The following CRAT variants were observed in gnomAD, a reference collection of about 807,000 sequenced individuals.
The protein encoded by CRAT is carnitine acetylase.
In CRAT, 66 loss-of-function variants were observed where a neutral mutation model predicts 73.7. The observed-to-expected ratio is 0.90, with a 90% CI of 0.73 to 1.10. The LOEUF is 1.10. CRAT is among the 50% of genes least tolerant of loss of function. The pLI is 0.00. For missense variants in CRAT, 745 were observed against 846.9 expected (o/e 0.88, Z 1.49); for synonymous variants, 321 against 343.2 (o/e 0.94, Z 0.71).
intron 1 of CRAT, chr9:129,108,834 G>C: frequency 7.7e-7 from 1 of 1,304,190 alleles, no homozygotes; most frequent in Middle Eastern, 2.1e-4. Context: ...TGCCTTGGCT[G>C]GATCTCTAAG....
Position 129,095,273 on chromosome 9 carries a change from G to T in CRAT, c.*124C>A. ...CCTGGAGGATGCGGTCCGTGGCTCAGTAGATTTGGGGGGACCAGGGAAGAG... is the reference window on the plus strand; with the variant it reads ...CCTGGAGGATGCGGTCCGTGGCTCATTAGATTTGGGGGGACCAGGGAAGAG... On this transcript the variant is annotated 3_prime_UTR_variant, in exon 14 of 14. Transcript: ENST00000318080. The T allele has an allele frequency of 9.2e-7, 1 of 1,082,520 alleles. No individual in the cohort carries two copies. Among genetic ancestry groups the T allele is most frequent in the Non-Finnish European group, 1.3e-6 (1 of 751,304 alleles). The allele number at this position is 1,082,520 out of a possible 1,614,324, so 67.1% of individuals were successfully genotyped here.
In CRAT at chr9:129,110,351, G is replaced by A. The variant is rs1206489302; in HGVS notation, c.27+132C>T. On this transcript the variant is annotated intron_variant, in intron 1 of 13. Coordinates refer to ENST00000318080, the MANE Select transcript of CRAT (RefSeq NM_000755.5). The surrounding 1 kb of genome is among the most constrained non-coding windows in gnomAD (Gnocchi z 5.3). ...CTGCTCTGCCAAACCTGGGACGCCC[G>A]CCTGACCCCACCCCATCAGCTGGAG... is the stretch of plus-strand genomic sequence containing the variant. 2 of 957,198 alleles carry A rather than the reference G, an allele frequency of 2.1e-6. No individual in the cohort carries two copies. The highest frequency in any genetic ancestry group is 2.9e-6 in the Non-Finnish European group (2 of 685,196). 59.3% of individuals were successfully genotyped at this position (957,198 alleles called of 1,614,324 possible).
At chr9:129,098,502 G>T in intron 9 of CRAT, 29 bp downstream of exon 9, 1 of 1,600,532 alleles carries the variant, frequency 6.2e-7, no homozygotes. Context: ...CACCCATCCA[G>T]CACAGGGATG....
chr9:129,106,765 C>G lies in CRAT; in HGVS notation c.291+1049G>C, dbSNP rs1294088847. On this transcript the variant is annotated intron_variant, in intron 2 of 13. Coordinates refer to ENST00000318080, the MANE Select transcript of CRAT (RefSeq NM_000755.5). This position sits in a 1 kb window ranked among gnomAD's most constrained non-coding sequence, Gnocchi z 4.0. The stretch of plus-strand genomic sequence containing the variant: ...TCTACCTCCCCTCCCCATGGCACCC[C>G]CTATAACACAGCATTTCCCAGGGCC... Among the ~76,000 whole-genome samples, 1 of 152,140 alleles carries G rather than the reference C, an allele frequency of 6.6e-6. No individual in the cohort carries two copies. Among genetic ancestry groups the G allele is most frequent in the Non-Finnish European group, 1.5e-5 (1 of 68,008 alleles).
chr9:129,095,858 G>A (rs1352273025), intron 13 of CRAT, 140 bp downstream of exon 13: 5 of 1,253,092 alleles, frequency 4.0e-6, no homozygotes, highest in African/African-American at 3.0e-5. Context: ...TGCCTGGGCT[G>A]CAGAGAGGCC....
chr9:129,097,849 C>G, intron 11 of CRAT, 164 bp downstream of exon 11: 1 of 1,000,340 alleles, frequency 1.0e-6, no homozygotes, highest in Non-Finnish European at 1.5e-6. Flanking sequence ...CTCTTTGGTC[C>G]CCAGGAAGCT....
At position 129,110,682 on chromosome 9, in the gene CRAT, G is replaced by A. The variant is rs370539416; in HGVS notation, c.-173C>T. 4.7e-6 allele frequency: 4 copies of A among 852,226 alleles called. No homozygotes were observed. The South Asian group carries it at 6.4e-5, about 14-fold the overall frequency. The allele number at this position is 852,226 out of a possible 1,614,324, so 52.8% of individuals were successfully genotyped here. On this transcript the variant is annotated 5_prime_UTR_variant, in exon 1 of 14. Transcript: ENST00000318080. The surrounding 1 kb of genome is among the most constrained non-coding windows in gnomAD (Gnocchi z 5.3). ...CAGCCCCGCGCCCACCCTCTGGGCC[G>A]AGCGGGCTGCGGGAAGGCACCCGGG...
At position 129,102,026 on chromosome 9, in the gene CRAT, C is replaced by T. The variant is rs770546253; in HGVS notation, c.662G>A (p.Gly221Glu). 5 of 1,614,124 alleles carry T rather than the reference C, an allele frequency of 3.1e-6. No individual in the cohort carries two copies. The highest frequency in any genetic ancestry group is 4.2e-6 in the Non-Finnish European group (5 of 1,179,986). ...FFELDVYHSDGTPLTADQIFV... is the reference protein window; with the variant it reads ...FFELDVYHSDETPLTADQIFV... ...GATCTGATCCGCAGTGAGGGGTGTC[C>T]CGTCACTGTGGTACACATCCAGCTC... The change falls in exon 6 of 14, where the codon GGG becomes GAG. Residue 221 changes from glycine (G) to glutamate (E), a missense_variant. By Grantham distance (98) the Gly-to-Glu change is moderately conservative (BLOSUM62 -2). Transcript: ENST00000318080.
chr9:129,097,345 A>T, intron 11 of CRAT, 33 bp from the exon 12 acceptor site: 3 of 1,533,588 alleles, frequency 2.0e-6, no homozygotes, highest in Non-Finnish European at 8.8e-7. Context: ...GAGCTGAAGC[A>T]CTGTCCCTTC....
chr9:129,103,433 C>T lies in CRAT; in HGVS notation c.411-367G>A, dbSNP rs1337161162. Among the ~76,000 whole-genome samples the T allele has an allele frequency of 6.6e-6, 1 of 150,974 alleles. No homozygotes were observed. Among genetic ancestry groups the T allele is most frequent in the African/African-American group, 2.4e-5 (1 of 40,992 alleles). On this transcript the variant is annotated intron_variant, in intron 3 of 13. Coordinates refer to ENST00000318080, the MANE Select transcript of CRAT (RefSeq NM_000755.5). This position sits in a 1 kb window ranked among gnomAD's most constrained non-coding sequence, Gnocchi z 4.6. ...GCCTAGAATCTGGAGGGGGTGTCAT[C>T]TGCTCTGAAGCATCGGTTCTGGAGG... is the stretch of plus-strand genomic sequence containing the variant.
At position 129,094,989 on chromosome 9, in the gene CRAT, G is replaced by T. The variant is rs1588437258; in HGVS notation, c.*408C>A. ...ACAATCCTGTCTCCAGGTCCTGGGA[G>T]TTTGGGAAGCAGGGTACAGATGGTG... is the stretch of plus-strand genomic sequence containing the variant. On this transcript the variant is annotated 3_prime_UTR_variant, in exon 14 of 14. Transcript: ENST00000318080. 2 of 217,434 alleles carry T rather than the reference G, an allele frequency of 9.2e-6. No individual in the cohort carries two copies. Among genetic ancestry groups the T allele is most frequent in the Non-Finnish European group, 1.8e-5 (2 of 108,384 alleles). The allele number at this position is 217,434 out of a possible 1,614,324, so 13.5% of individuals were successfully genotyped here.
rs1847733860 is a variant in CRAT at position 129,102,401 on chromosome 9, T to G, written c.629A>C (p.Gln210Pro). Residue 210 changes from glutamine (Q) to proline (P), a missense_variant and splice_region_variant, in exon 5 of 14, where the codon CAG becomes CCG. Gln to Pro is a moderately conservative substitution (Grantham distance 76). Coordinates refer to ENST00000318080, the MANE Select transcript of CRAT (RefSeq NM_000755.5). ...PTHITVVHNY[Q>P]FFELDVYHSD... is the part of the protein sequence containing the mutation. ...TAGGTGTGGGTGGGGGCCACCCACC[T>G]GGTAGTTGTGTACCACGGTGATGTG... The G allele has an allele frequency of 1.9e-6, 3 of 1,614,084 alleles. No individual in the cohort carries two copies. The highest frequency in any genetic ancestry group is 2.5e-6 in the Non-Finnish European group (3 of 1,179,980).
Position 129,108,838 on chromosome 9 carries a change from C to T in CRAT, c.28-761G>A, listed in dbSNP as rs1468748421. On this transcript the variant is annotated intron_variant, in intron 1 of 13. Transcript: ENST00000318080. ...CCCTGTCTGTCTGCCTTGGCTGGAT[C>T]TCTAAGCCTAACTGTGCTACAAAGT... 4.6e-6 allele frequency: 6 copies of T among 1,304,086 alleles called. No individual in the cohort carries two copies. In the Admixed American group the frequency reaches 1.1e-4, roughly 25 times the overall value. The allele number at this position is 1,304,086 out of a possible 1,614,324, so 80.8% of individuals were successfully genotyped here.
rs1420193355 is a variant in CRAT, at chr9:129,099,449, CAG to C, written c.1085+415_1085+416del. On this transcript the variant is annotated intron_variant, in intron 8 of 13. Coordinates refer to ENST00000318080, the MANE Select transcript of CRAT (RefSeq NM_000755.5). ...TAATTTTTTTTTTTTTTTTTTGAGA[CAG>C]AGTCTTGCTCTGTCACCCAGGCTGG... Among the ~76,000 whole-genome samples the C allele has an allele frequency of 1.0e-4, 14 of 135,592 alleles. 1 individual carries two copies. 89.0% of individuals were successfully genotyped at this position (135,592 alleles called of 152,430 possible).
rs1356391816 is a variant in CRAT at position 129,107,514 on chromosome 9, A to G, written c.291+300T>C. On this transcript the variant is annotated intron_variant, in intron 2 of 13. Transcript: ENST00000318080. The surrounding 1 kb of genome is among the most constrained non-coding windows in gnomAD (Gnocchi z 5.0). ...AGGCTGTCCCACCAAGCACAAGGGCATCTTCTATCTGGTTGTACCTGCCGT... is the reference window on the plus strand; with the variant it reads ...AGGCTGTCCCACCAAGCACAAGGGCGTCTTCTATCTGGTTGTACCTGCCGT... 1 of 634,058 alleles carries G rather than the reference A, an allele frequency of 1.6e-6. No homozygotes were observed. Among genetic ancestry groups the G allele is most frequent in the Non-Finnish European group, 2.9e-6 (1 of 346,454 alleles). 39.3% of individuals were successfully genotyped at this position (634,058 alleles called of 1,614,324 possible).
rs1588461435 is a variant in CRAT, at chr9:129,106,987, T to G, written c.291+827A>C. On this transcript the variant is annotated intron_variant, in intron 2 of 13. Transcript: ENST00000318080. The surrounding 1 kb of genome is among the most constrained non-coding windows in gnomAD (Gnocchi z 4.0). ...AGCTCCTTGGGGGTGATGTCACCCC[T>G]CCCCCTCGCCTCTGGCTTCCACTCT... Among the ~76,000 whole-genome samples, 1 of 150,628 alleles carries G rather than the reference T, an allele frequency of 6.6e-6. No homozygotes were observed. The highest frequency in any genetic ancestry group is 1.5e-5 in the Non-Finnish European group (1 of 67,750).
At chr9:129,095,739 A>G (rs931813536) in intron 13 of CRAT, 127 bp from the exon 14 acceptor site, 20 of 1,021,086 alleles carry the variant, frequency 2.0e-5, no homozygotes, top group African/African-American at 3.2e-5. Flanking sequence ...GTCCCCTGCT[A>G]TATCCCAGCA....
In CRAT at chr9:129,096,176, C is replaced by T. The variant is rs746265890; in HGVS notation, c.1528-41G>A. On this transcript the variant is annotated intron_variant, in intron 12 of 13. Coordinates refer to ENST00000318080, the MANE Select transcript of CRAT (RefSeq NM_000755.5). Reference sequence around the variant, plus strand: ...AGCTGTCAGGAGCAGGGGCTGTGGACCCCCGGGGTATCCCTGCCCTCTTCA... The same window carrying T: ...AGCTGTCAGGAGCAGGGGCTGTGGATCCCCGGGGTATCCCTGCCCTCTTCA... 18 of 1,608,196 alleles carry T rather than the reference C, an allele frequency of 1.1e-5. No homozygotes were observed. In the East Asian group the frequency reaches 3.1e-4, roughly 28 times the overall value.
chr9:129,102,482 G>A lies in CRAT; in HGVS notation c.548C>T (p.Pro183Leu), dbSNP rs748867542. ...GCTGACTGTGTCCTGCTTGGGGCCC[G>A]GCACTCGGCAGGAGGACAAGATCTG... is the stretch of plus-strand genomic sequence containing the variant. Reference protein sequence around the residue: ...YYQILSSCRVPGPKQDTVSNF... With the variant: ...YYQILSSCRVLGPKQDTVSNF... The change falls in exon 5 of 14, where the codon CCG becomes CTG. Residue 183 changes from proline (P) to leucine (L), a missense_variant. Physicochemically the swap from Pro to Leu is moderately conservative, Grantham distance 98 (BLOSUM62 -3). Coordinates refer to ENST00000318080, the MANE Select transcript of CRAT (RefSeq NM_000755.5). The A allele has an allele frequency of 8.1e-6, 13 of 1,614,052 alleles. No homozygotes were observed. The highest frequency in any genetic ancestry group is 1.7e-5 in the Admixed American group (1 of 60,008).
Sources: allele counts gnomAD v4.1 joint callset (sites outside exome capture counted in the v4.1 genomes callset), GRCh38; gene constraint gnomAD v4.1.1; non-coding constraint Gnocchi (gnomAD v3.1); transcripts MANE v1.5; gene names NCBI Gene and HGNC (gene_info 2026-07-23, HGNC 2026-07-21).